INVS: variants seen among roughly 807,000 people sequenced by gnomAD.
INVS encodes inversin.
INVS carries 86 observed loss-of-function variants against 108.8 expected under a neutral mutation model. The observed-to-expected ratio is 0.79, with a 90% CI of 0.66 to 0.95. INVS has a LOEUF of 0.95. INVS is among the 40% of genes least tolerant of loss of function. INVS has a pLI of 0.00. For synonymous variants in INVS, 455 were observed against 473.5 expected (o/e 0.96, Z 0.51); for missense variants, 1,169 against 1,297.4 (o/e 0.90, Z 1.52).
intron 3 of INVS, chr9:100,129,561 C>A: frequency 6.1e-6 from 3 of 495,524 alleles, no homozygotes; most frequent in South Asian, 3.9e-5. Context: ...AAGAAACCAA[C>A]AAGACACTTT....
At chr9:100,118,258 G>A (rs921615792) in intron 2 of INVS, among the ~76,000 whole-genome samples, 1 of 151,402 alleles carries the variant, frequency 6.6e-6, no homozygotes, top group Non-Finnish European at 1.5e-5. Flanking sequence ...GCCCAGGCTG[G>A]AGTGCAATGG....
chr9:100,288,141 A>C (rs988054205), intron 13 of INVS, among the ~76,000 whole-genome samples: 1 of 152,104 alleles, frequency 6.6e-6, no homozygotes, highest in Non-Finnish European at 1.5e-5. Context: ...CTCTGAGGTA[A>C]ATATTCCTTG....
chr9:100,100,977 A>C (rs1587996108), intron 1 of INVS, among the ~76,000 whole-genome samples: 1 of 76,272 alleles, frequency 1.3e-5, no homozygotes, highest in African/African-American at 6.3e-5. Flanking sequence ...TATATATTAT[A>C]TATATAATAT....
intron 10 of INVS, among the ~76,000 whole-genome samples, chr9:100,253,583 G>GC (rs1288524434): frequency 6.6e-6 from 1 of 151,872 alleles, no homozygotes; most frequent in East Asian, 1.9e-4. Flanking sequence ...TCCCACACCA[G>GC]CCCCCGGTGT....
chr9:100,200,121 A>G (rs1830494503), intron 3 of INVS, among the ~76,000 whole-genome samples: 1 of 152,134 alleles, frequency 6.6e-6, no homozygotes, highest in Non-Finnish European at 1.5e-5. Context: ...GTACTTTCCA[A>G]TTCTGGAACT....
At chr9:100,259,017 G>A (rs1394523954) in intron 10 of INVS, among the ~76,000 whole-genome samples, 1 of 152,218 alleles carries the variant, frequency 6.6e-6, no homozygotes, top group Non-Finnish European at 1.5e-5. Context: ...CCCCAGAGGT[G>A]GAGTCTACAA....
chr9:100,146,553 A>G (rs1478529945), intron 3 of INVS, among the ~76,000 whole-genome samples: 8 of 152,022 alleles, frequency 5.3e-5, no homozygotes, highest in African/African-American at 9.7e-5. Context: ...CACTTAGGAT[A>G]ATGTTTTTGA....
At chr9:100,228,596 AC>A (rs1351745732) in intron 4 of INVS, among the ~76,000 whole-genome samples, 1 of 152,206 alleles carries the variant, frequency 6.6e-6, no homozygotes, top group Non-Finnish European at 1.5e-5. Context: ...TTTATAAATG[AC>A]TGGGCCGCTT....
At chr9:100,175,086 C>A in intron 3 of INVS, 2 of 248,700 alleles carry the variant, frequency 8.0e-6, no homozygotes, top group South Asian at 1.2e-4. Flanking sequence ...AGCTCATATT[C>A]CTCTGACATC....
chr9:100,180,383 C>G (rs954735642), intron 3 of INVS, among the ~76,000 whole-genome samples: 1 of 150,976 alleles, frequency 6.6e-6, no homozygotes, highest in Non-Finnish European at 1.5e-5. Context: ...GACCACCACC[C>G]AGACTAATAA....
At chr9:100,171,619 A>G (rs1829544227) in intron 3 of INVS, among the ~76,000 whole-genome samples, 1 of 152,194 alleles carries the variant, frequency 6.6e-6, no homozygotes, top group Non-Finnish European at 1.5e-5. Context: ...AAATTTGAAT[A>G]TTTACTGAAG....
chr9:100,240,178 G>A lies in INVS; in HGVS notation c.734G>A (p.Ser245Asn). The A allele has an allele frequency of 6.2e-7, 1 of 1,613,922 alleles. No homozygotes were observed. The highest frequency in any genetic ancestry group is 8.5e-7 in the Non-Finnish European group (1 of 1,179,914). Reference protein sequence around the residue: ...TVVDVLTSYESCNITSYDNLF... With the variant: ...TVVDVLTSYENCNITSYDNLF... The stretch of plus-strand genomic sequence containing the variant: ...GTTGATGTCTTGACCTCATATGAAA[G>A]CTGCAATATAACGTCTTATGATAAC... Residue 245 changes from serine (S) to asparagine (N), a missense_variant, in exon 6 of 17, where the codon AGC (serine) becomes AAC (asparagine). By Grantham distance (46) the Ser-to-Asn change is conservative. This residue lies in a region of INVS where 365 missense variants were observed against 397.5 expected (regional missense o/e 0.92). Transcript: ENST00000262457.
At chr9:100,109,891 T>G (rs1164211290) in intron 2 of INVS, among the ~76,000 whole-genome samples, 1 of 152,218 alleles carries the variant, frequency 6.6e-6, no homozygotes, top group East Asian at 1.9e-4. Context: ...GGTCTCGAAC[T>G]CCCGACCTCA....
chr9:100,157,638 C>T (rs1370685314), intron 3 of INVS, among the ~76,000 whole-genome samples: 1 of 152,138 alleles, frequency 6.6e-6, no homozygotes, highest in Admixed American at 6.5e-5. Flanking sequence ...AACATTTTCA[C>T]AAGAGGCATG....
chr9:100,100,801 AT>A lies in INVS; in HGVS notation c.-25+1386del, dbSNP rs1160140159. 1.9e-3 allele frequency among the ~76,000 whole-genome samples: 19 copies of A among 10,058 alleles called. 5 individuals are homozygous for A. Among genetic ancestry groups the A allele is most frequent in the East Asian group, 0.025 (1 of 40 alleles). The allele number at this position is 10,058 out of a possible 152,430, so 6.6% of individuals were successfully genotyped here. The stretch of plus-strand genomic sequence containing the variant: ...ATAATATATATTATATATATAATAT[AT>A]GTATATATAATATATATAATATATG... On this transcript the variant is annotated intron_variant, in intron 1 of 16. Coordinates refer to ENST00000262457, the MANE Select transcript of INVS (RefSeq NM_014425.5).
At chr9:100,133,778 C>CACACACACACAT (rs1803851972) in intron 3 of INVS, among the ~76,000 whole-genome samples, 1 of 150,564 alleles carries the variant, frequency 6.6e-6, no homozygotes, top group Non-Finnish European at 1.5e-5. Flanking sequence ...CACACACACA[C>CACACACACACAT]ACACACACAC....
At chr9:100,115,597 ATCCATGTC>A (rs1564118938) in intron 2 of INVS, among the ~76,000 whole-genome samples, 1 of 152,130 alleles carries the variant, frequency 6.6e-6, no homozygotes, top group Non-Finnish European at 1.5e-5. Context: ...TTCCAGCTTC[ATCCATGTC>A]CCTACAAAGG....
intron 3 of INVS, among the ~76,000 whole-genome samples, chr9:100,139,423 C>T (rs79716235): frequency 0.03 from 4,517 of 152,234 alleles, 98 homozygotes; most frequent in Non-Finnish European, 0.045. Context: ...CTATAAGTTT[C>T]GGCTATTTTC....
chr9:100,108,347 T>G lies in INVS; in HGVS notation c.106+3720T>G, dbSNP rs1023559076. ...TCTATCATCTTGTCTGAGGAACTTC[T>G]TATTAATTACTGACTGAGGGTGCCA... On this transcript the variant is annotated intron_variant, in intron 2 of 16. Coordinates refer to ENST00000262457, the MANE Select transcript of INVS (RefSeq NM_014425.5). 6.6e-5 allele frequency among the ~76,000 whole-genome samples: 10 copies of G among 152,328 alleles called. No homozygotes were observed. The East Asian group carries it at 1.9e-3, about 29-fold the overall frequency.
Sources: allele counts gnomAD v4.1 joint callset (sites outside exome capture counted in the v4.1 genomes callset), GRCh38; gene constraint gnomAD v4.1.1; regional missense constraint gnomAD v4.1.1; transcripts MANE v1.5; gene names NCBI Gene and HGNC (gene_info 2026-07-23, HGNC 2026-07-21).